The following PRH1 variants were observed in gnomAD, a reference collection of about 807,000 sequenced individuals.
The protein encoded by PRH1 is salivary acidic proline-rich phosphoprotein 1/2.
In PRH1, 7 loss-of-function variants were observed where a neutral mutation model predicts 7.9. That is an observed-to-expected ratio of 0.89 (90% CI 0.50 to 1.67). The LOEUF (loss-of-function observed/expected upper bound fraction) is 1.67. Ranked by LOEUF, PRH1 falls within the 40% of genes most tolerant of loss-of-function variation. PRH1 has a pLI of 0.00. For synonymous variants in PRH1, 45 were observed against 80.8 expected, an observed-to-expected ratio of 0.56 and a Z score of 2.38; for missense variants, 109 against 223.6, an observed-to-expected ratio of 0.49 and a Z score of 3.27.
chr12:11,020,699 GA>G (rs1941577975), intron 1 of PRH1, among the ~76,000 whole-genome samples: 1 of 150,524 alleles, frequency 6.6e-6, no homozygotes, highest in Admixed American at 6.6e-5. Context: ...AACATTTGAG[GA>G]AAGTTTCATT....
chr12:11,118,727 G>A (rs1945802332), downstream of PRH1, among the ~76,000 whole-genome samples: 1 of 152,152 alleles, frequency 6.6e-6, no homozygotes, highest in Non-Finnish European at 1.5e-5. Context: ...GGGGGCGGTG[G>A]CTGACACCGG....
At chr12:10,985,155 T>G (rs1167751039) in intron 1 of PRH1, among the ~76,000 whole-genome samples, 2 of 152,074 alleles carry the variant, frequency 1.3e-5, no homozygotes, top group Admixed American at 1.3e-4. Flanking sequence ...AAGAAATGAC[T>G]TTTCTAACTG....
chr12:10,891,564 C>T (rs533739085), intron 2 of PRH1: 1 of 152,234 alleles, frequency 6.6e-6, no homozygotes, highest in Non-Finnish European at 1.5e-5. Context: ...CTTGTAGGAT[C>T]CTTCACTTTC....
chr12:10,944,189 T>C (rs1950448733), intron 2 of PRH1, among the ~76,000 whole-genome samples: 1 of 152,250 alleles, frequency 6.6e-6, no homozygotes, highest in Admixed American at 6.5e-5. Flanking sequence ...ATTTTAATAA[T>C]TGATTCTTTG....
At chr12:11,073,579 G>T (rs1446510339) in intron 1 of PRH1, among the ~76,000 whole-genome samples, 2 of 151,790 alleles carry the variant, frequency 1.3e-5, no homozygotes, top group Admixed American at 6.6e-5. Context: ...TGTTAATAAA[G>T]TCCTTTTTAA....
At chr12:10,938,975 G>A in intron 2 of PRH1, 1 of 1,613,076 alleles carries the variant, frequency 6.2e-7, no homozygotes, top group Non-Finnish European at 8.5e-7. Flanking sequence ...CATTTTTTCA[G>A]TGGCAAATAA....
At chr12:11,031,781 G>A (rs1017021997) in intron 1 of PRH1, among the ~76,000 whole-genome samples, 2 of 152,120 alleles carry the variant, frequency 1.3e-5, no homozygotes, top group African/African-American at 4.8e-5. Flanking sequence ...TGCACTGTTT[G>A]GTGCATTTTA....
At chr12:11,042,620 A>ATTTTTTTTTTTTTT (rs1337131350) in intron 1 of PRH1, among the ~76,000 whole-genome samples, 6 of 92,918 alleles carry the variant, frequency 6.5e-5, no homozygotes, top group Admixed American at 2.9e-4. Context: ...TTCCAGGCTC[A>ATTTTTTTTTTTTTT]TTCTTTTTTT....
chr12:11,163,594 G>A (rs1053407213), intron 1 of PRH1, among the ~76,000 whole-genome samples: 9 of 152,112 alleles, frequency 5.9e-5, no homozygotes, highest in South Asian at 2.1e-4. Flanking sequence ...GTGTGGTTAC[G>A]GACCAAGATT....
chr12:11,159,085 C>T (rs1160520529), intron 1 of PRH1: 1 of 152,406 alleles, frequency 6.6e-6, no homozygotes, highest in Non-Finnish European at 1.5e-5. Flanking sequence ...GCTGCAAATT[C>T]TTGGTGTGTC....
rs1446770876 is a variant in PRH1 at position 11,039,444 on chromosome 12, T to C, written c.-126+7576A>G. Among the ~76,000 whole-genome samples, 4 of 152,230 alleles carry C rather than the reference T, an allele frequency of 2.6e-5. No homozygotes were observed. The East Asian group carries it at 7.7e-4, about 29-fold the overall frequency. ...ACAATGTCCTTGCTGTAAGATAAAA[T>C]TTTCCACATCGTTGTTGAAGTAAAA... On this transcript the variant is annotated intron_variant, in intron 1 of 3. Transcript: ENST00000539853.
chr12:10,964,645 C>T, intron 2 of PRH1: 1 of 536,286 alleles, frequency 1.9e-6, no homozygotes, highest in Non-Finnish European at 3.4e-6. Context: ...CAGCAAATAA[C>T]AAGAGGAAGG....
chr12:11,031,684 T>A (rs1166515796), intron 1 of PRH1, among the ~76,000 whole-genome samples: 6 of 152,194 alleles, frequency 3.9e-5, no homozygotes, highest in African/African-American at 1.2e-4. Flanking sequence ...ACTTTTAGGA[T>A]CCTGTTGCTT....
At chr12:10,983,095 A>G (rs1430531955) in intron 1 of PRH1, among the ~76,000 whole-genome samples, 1 of 152,180 alleles carries the variant, frequency 6.6e-6, no homozygotes, top group Admixed American at 6.5e-5. Context: ...CAGAATTCAA[A>G]GTTGCTACAG....
At chr12:11,060,399 G>A (rs1368595891) in intron 1 of PRH1, among the ~76,000 whole-genome samples, 1 of 150,356 alleles carries the variant, frequency 6.7e-6, no homozygotes, top group African/African-American at 2.4e-5. Flanking sequence ...GAATAAGGAA[G>A]ATTTGGGTTC....
At chr12:11,032,715 A>C (rs1053668776) in intron 1 of PRH1, among the ~76,000 whole-genome samples, 3 of 152,192 alleles carry the variant, frequency 2.0e-5, no homozygotes, top group African/African-American at 7.2e-5. Context: ...TTTAAATATT[A>C]TTATAAAAAA....
chr12:10,959,177 T>G (rs1392157001), intron 2 of PRH1, among the ~76,000 whole-genome samples: 1 of 152,074 alleles, frequency 6.6e-6, no homozygotes, highest in East Asian at 1.9e-4. Context: ...TTTTTTTTAG[T>G]CTAAGCATCT....
chr12:10,997,856 A>G lies in PRH1; in HGVS notation c.-125-24135T>C. 2 of 1,601,276 alleles carry G rather than the reference A, an allele frequency of 1.2e-6. No homozygotes were observed. Among genetic ancestry groups the G allele is most frequent in the Non-Finnish European group, 1.7e-6 (2 of 1,175,048 alleles). On this transcript the variant is annotated intron_variant, in intron 1 of 3. Coordinates refer to the PRH1 transcript ENST00000539853. ...AACCACTACTAGAATGGAAAAAACA[A>G]TGTGTAGAAAACTCATCATGTCTAA...
At chr12:11,038,265 G>A (rs1157861911) in intron 1 of PRH1, among the ~76,000 whole-genome samples, 3 of 152,164 alleles carry the variant, frequency 2.0e-5, no homozygotes, top group Non-Finnish European at 2.9e-5. Context: ...AACAGAAACA[G>A]AAAGAGAAAA....
Sources: gnomAD v4.1 joint callset for allele counts (sites outside exome capture counted in the v4.1 genomes callset) on GRCh38, gnomAD v4.1.1 for gene constraint, MANE v1.5 for transcripts, NCBI Gene and HGNC (gene_info 2026-07-23, HGNC 2026-07-21) for gene names.